Variants in EYS observed in about 807,000 individuals in gnomAD.
EYS encodes the protein protein eyes shut homolog.
Under a neutral mutation model 282.1 loss-of-function variants are expected in EYS, and 250 were observed. The ratio of observed to expected loss-of-function variants is 0.89; its 90% CI spans 0.80 to 0.98. The LOEUF (loss-of-function observed/expected upper bound fraction) is 0.98. Ranked by LOEUF, EYS falls within the 50% of genes least tolerant of loss-of-function variation. The pLI, the probability that EYS is intolerant of heterozygous loss-of-function variation, is 0.00. For synonymous variants in EYS, 1,355 were observed against 1,282.9 expected, an observed-to-expected ratio of 1.06 and a Z score of -1.20; for missense variants, 4,016 against 3,709.0, an observed-to-expected ratio of 1.08 and a Z score of -2.15.
chr6:64,254,445 C>T (rs1767326674), intron 30 of EYS, among the ~76,000 whole-genome samples: 2 of 151,952 alleles, frequency 1.3e-5, no homozygotes, highest in Non-Finnish European at 2.9e-5. Context: ...CAATGGGGCC[C>T]CTCTGCGCTC....
intron 33 of EYS, among the ~76,000 whole-genome samples, chr6:64,061,872 C>A (rs1011944833): frequency 6.6e-6 from 1 of 151,818 alleles, no homozygotes; most frequent in African/African-American, 2.4e-5. Context: ...CGCCTGTAAT[C>A]CCAGCTATTT....
At chr6:64,665,311 A>C (rs560947712) in intron 22 of EYS, among the ~76,000 whole-genome samples, 1 of 152,348 alleles carries the variant, frequency 6.6e-6, no homozygotes, top group African/African-American at 2.4e-5. Flanking sequence ...GAAATGATAA[A>C]AATAAAACAT....
chr6:65,393,942 A>T (rs1054113888), intron 7 of EYS, among the ~76,000 whole-genome samples: 3 of 152,160 alleles, frequency 2.0e-5, no homozygotes, highest in African/African-American at 7.2e-5. Context: ...AGAAAGCAAA[A>T]TTCTCTATAT....
In EYS at chr6:64,495,853, A is replaced by G. The variant is rs547249582; in HGVS notation, c.5645-56501T>C. 1.8e-4 allele frequency among the ~76,000 whole-genome samples: 28 copies of G among 151,960 alleles called. 1 individual carries two copies. The South Asian group carries it at 5.6e-3, about 30-fold the overall frequency. ...TGAACTTAATTAAATTTCCATTGGA[A>G]GATTTAATAATATATTTTCTGAGTA... is the stretch of plus-strand genomic sequence containing the variant. On this transcript the variant is annotated intron_variant, in intron 26 of 42. Transcript: ENST00000503581.
chr6:65,369,330 T>TTA lies in EYS; in HGVS notation c.1299+15054_1299+15055dup, dbSNP rs200969989. On this transcript the variant is annotated intron_variant, in intron 8 of 42. Transcript: ENST00000503581. ...TAATATATATATTATATATATATATTTATATATATATATATCTCATTCTGA... is the reference window on the plus strand; with the variant it reads ...TAATATATATATTATATATATATATTTATATATATATATATATCTCATTCTGA... 5.6e-3 allele frequency among the ~76,000 whole-genome samples: 775 copies of TTA among 138,298 alleles called. 14 individuals carry two copies. Among genetic ancestry groups the TTA allele is most frequent in the South Asian group, 0.022 (95 of 4,340 alleles). The allele number at this position is 138,298 out of a possible 152,430, so 90.7% of individuals were successfully genotyped here.
chr6:63,939,904 T>C (rs1212433407), intron 35 of EYS, among the ~76,000 whole-genome samples: 2 of 152,216 alleles, frequency 1.3e-5, no homozygotes, highest in East Asian at 3.8e-4. Flanking sequence ...AGATGCAGTA[T>C]TAAATTATAA....
chr6:65,407,715 T>G (rs1008787590), intron 5 of EYS, among the ~76,000 whole-genome samples: 1 of 151,224 alleles, frequency 6.6e-6, no homozygotes, highest in African/African-American at 2.4e-5. Context: ...TAAAGACAGT[T>G]TTACTGCTTT....
intron 26 of EYS, 85 bp downstream of exon 26, chr6:64,590,138 C>G (rs1766356925): frequency 9.0e-6 from 11 of 1,224,858 alleles, no homozygotes; most frequent in Non-Finnish European, 1.2e-5. Flanking sequence ...GTTCAGAGCA[C>G]CCGGTGACCA....
intron 33 of EYS, among the ~76,000 whole-genome samples, chr6:64,034,144 A>G (rs1769999659): frequency 6.6e-6 from 1 of 152,206 alleles, no homozygotes; most frequent in Non-Finnish European, 1.5e-5. Context: ...TCCAGGGTCC[A>G]GTAAGTGTTA....
chr6:63,848,533 G>A (rs1362608920), intron 36 of EYS, among the ~76,000 whole-genome samples: 3 of 151,728 alleles, frequency 2.0e-5, no homozygotes, highest in African/African-American at 7.3e-5. Context: ...GTCCACGGAG[G>A]GCAAGCAGAA....
At chr6:65,410,222 C>T (rs936078599) in intron 5 of EYS, among the ~76,000 whole-genome samples, 2 of 151,952 alleles carry the variant, frequency 1.3e-5, no homozygotes, top group Non-Finnish European at 2.9e-5. Flanking sequence ...TAAAACAAAA[C>T]CTGAAATTTA....
chr6:63,720,797 A>G lies in EYS; in HGVS notation c.9234T>C (p.Ala3078=), dbSNP rs1216142255. 2 of 1,551,090 alleles carry G rather than the reference A, an allele frequency of 1.3e-6. No homozygotes were observed. Among genetic ancestry groups the G allele is most frequent in the Non-Finnish European group, 8.7e-7 (1 of 1,146,590 alleles). ...EDIDPHKNFV[A]LNYDGICYLG... ...GATAACAAATGCCATCATAGTTTAG[A>G]GCCACAAAGTTTTTATGTGGATCAA... is the stretch of plus-strand genomic sequence containing the variant. The change falls in exon 43 of 43, where the codon GCT becomes GCC. Residue 3078 remains alanine, a synonymous_variant. Transcript: ENST00000503581.
intron 10 of EYS, among the ~76,000 whole-genome samples, chr6:65,342,290 T>C (rs967851987): frequency 6.6e-6 from 1 of 151,056 alleles, no homozygotes; most frequent in African/African-American, 2.4e-5. Flanking sequence ...AATTGTCTGA[T>C]TACACAATCT....
intron 22 of EYS, among the ~76,000 whole-genome samples, chr6:64,658,737 G>A (rs971296700): frequency 6.6e-6 from 1 of 152,120 alleles, no homozygotes; most frequent in Admixed American, 6.5e-5. Context: ...AGGAGTACCC[G>A]GCCATGTGAG....
chr6:64,320,671 T>C (rs1770183013), intron 29 of EYS, among the ~76,000 whole-genome samples: 1 of 129,402 alleles, frequency 7.7e-6, no homozygotes, highest in Non-Finnish European at 1.6e-5. Flanking sequence ...ATTTCTTTCC[T>C]TACTGGTTTT....
intron 12 of EYS, among the ~76,000 whole-genome samples, chr6:65,173,664 A>T (rs895079617): frequency 6.6e-6 from 1 of 151,122 alleles, no homozygotes; most frequent in Non-Finnish European, 1.5e-5. Context: ...AGTAACAAAG[A>T]CATTACTGAA....
chr6:64,958,760 A>AAAAAAAAAAAAAAAG (rs1769812125), intron 14 of EYS, among the ~76,000 whole-genome samples: 3 of 148,798 alleles, frequency 2.0e-5, no homozygotes, highest in African/African-American at 7.4e-5. Flanking sequence ...AAAAAAAAAA[A>AAAAAAAAAAAAAAAG]AAAGAAACAA....
chr6:65,675,086 A>C (rs752207179), intron 1 of EYS, among the ~76,000 whole-genome samples: 33 of 152,092 alleles, frequency 2.2e-4, no homozygotes, highest in Non-Finnish European at 3.7e-4. Flanking sequence ...CCCCATGGTA[A>C]CTGCAAAGAA....
chr6:64,389,833 G>C (rs1340138691), intron 28 of EYS, among the ~76,000 whole-genome samples: 1 of 152,136 alleles, frequency 6.6e-6, no homozygotes, highest in Non-Finnish European at 1.5e-5. Flanking sequence ...CAGAAGATGG[G>C]TGATTTCTGC....
Sources: allele counts gnomAD v4.1 joint callset (sites outside exome capture counted in the v4.1 genomes callset), GRCh38; gene constraint gnomAD v4.1.1; transcripts MANE v1.5; gene names NCBI Gene and HGNC (gene_info 2026-07-23, HGNC 2026-07-21).